PLCL2: variants seen among roughly 807,000 people sequenced by gnomAD.
PLCL2 encodes the protein inactive phospholipase C-like protein 2.
In PLCL2, 4 loss-of-function variants were observed where a neutral mutation model predicts 79.6. That is an observed-to-expected ratio of 0.05 (90% CI 0.02 to 0.11). The LOEUF (loss-of-function observed/expected upper bound fraction) is 0.11. Ranked by LOEUF, PLCL2 falls within the 10% of genes least tolerant of loss-of-function variation. The probability of loss-of-function intolerance (pLI) is 1.00; values close to 1 mark genes in which losing one functional copy is unlikely to be tolerated. For missense variants in PLCL2, 895 were observed against 1,291.0 expected (o/e 0.69, Z 4.70); for synonymous variants, 484 against 457.7 (o/e 1.06, Z -0.73).
chr3:16,955,278 T>C (rs988473044), intron 1 of PLCL2, among the ~76,000 whole-genome samples: 4 of 152,236 alleles, frequency 2.6e-5, no homozygotes, highest in South Asian at 2.1e-4. Context: ...ATTTATTAAA[T>C]AGGGAATCTT....
intron 5 of PLCL2, among the ~76,000 whole-genome samples, chr3:17,078,466 T>A (rs1343636120): frequency 3.3e-5 from 5 of 150,766 alleles, no homozygotes; most frequent in Non-Finnish European, 7.4e-5. Context: ...TTTTTTTTTT[T>A]ATAGCATCTA....
chr3:17,038,825 G>A (rs965081628), intron 3 of PLCL2, among the ~76,000 whole-genome samples: 1 of 152,132 alleles, frequency 6.6e-6, no homozygotes. Flanking sequence ...GATTGAAACG[G>A]CCTTTCCTCT....
At chr3:17,042,596 C>T (rs2064736426) in intron 3 of PLCL2, 2 of 238,754 alleles carry the variant, frequency 8.4e-6, no homozygotes, top group Admixed American at 5.1e-5. Flanking sequence ...CTGAAATGAA[C>T]TCAGTTCAGT....
intron 1 of PLCL2, among the ~76,000 whole-genome samples, chr3:16,927,646 G>A (rs1289360943): frequency 6.6e-6 from 1 of 152,090 alleles, no homozygotes; most frequent in Non-Finnish European, 1.5e-5. Context: ...TTGTTGTGGG[G>A]GCTGTTCTGT....
chr3:17,058,980 A>G (rs2064918262), intron 4 of PLCL2, among the ~76,000 whole-genome samples: 1 of 152,326 alleles, frequency 6.6e-6, no homozygotes. Context: ...AATTGGGTCC[A>G]TATATAGGGA....
intron 1 of PLCL2, among the ~76,000 whole-genome samples, chr3:16,890,383 T>C (rs1696317396): frequency 6.6e-6 from 1 of 152,240 alleles, no homozygotes; most frequent in South Asian, 2.1e-4. Context: ...TTCACTTCCT[T>C]TTATAGTTCT....
chr3:17,057,743 G>C (rs1339776563), intron 4 of PLCL2, among the ~76,000 whole-genome samples: 1 of 152,184 alleles, frequency 6.6e-6, no homozygotes, highest in Admixed American at 6.5e-5. Flanking sequence ...TCTCCTACTA[G>C]AGTGGAAACT....
At chr3:17,044,078 T>C (rs1467298329) in intron 4 of PLCL2, 1 of 152,332 alleles carries the variant, frequency 6.6e-6, no homozygotes, top group Non-Finnish European at 1.5e-5. Flanking sequence ...GAGTCTCAAG[T>C]TGGTGTGTGA....
intron 3 of PLCL2, among the ~76,000 whole-genome samples, chr3:17,024,657 A>G (rs983648486): frequency 7.9e-5 from 12 of 152,192 alleles, no homozygotes; most frequent in African/African-American, 2.4e-4. Context: ...GGTAATTTGT[A>G]TGTCTTTATG....
chr3:17,049,464 T>A (rs530290096), intron 4 of PLCL2, among the ~76,000 whole-genome samples: 1 of 152,248 alleles, frequency 6.6e-6, no homozygotes, highest in African/African-American at 2.4e-5. Context: ...TTAGAACTGA[T>A]AAACAAATGC....
At chr3:16,969,076 A>G (rs1429100198) in intron 1 of PLCL2, among the ~76,000 whole-genome samples, 1 of 152,152 alleles carries the variant, frequency 6.6e-6, no homozygotes, top group Non-Finnish European at 1.5e-5. Flanking sequence ...CCAACCTTGC[A>G]TCTCAGGGAT....
At chr3:16,965,092 G>T (rs1026719321) in intron 1 of PLCL2, among the ~76,000 whole-genome samples, 4 of 151,846 alleles carry the variant, frequency 2.6e-5, no homozygotes, top group African/African-American at 9.7e-5. Context: ...TGAAGTCCTT[G>T]CCCATGCCTA....
At chr3:17,015,033 T>A in intron 3 of PLCL2, 122 bp downstream of exon 3, 1 of 730,866 alleles carries the variant, frequency 1.4e-6, no homozygotes, top group Non-Finnish European at 2.3e-6. Context: ...CATTCACCTA[T>A]GCTGGAGAAG....
chr3:16,888,008 G>C (rs1559476101), intron 1 of PLCL2, among the ~76,000 whole-genome samples: 1 of 152,092 alleles, frequency 6.6e-6, no homozygotes, highest in Non-Finnish European at 1.5e-5. Context: ...ACTGAGGCCG[G>C]TATTTATGGG....
chr3:16,980,700 C>T (rs1432749441), intron 1 of PLCL2, among the ~76,000 whole-genome samples: 1 of 152,156 alleles, frequency 6.6e-6, no homozygotes, highest in Non-Finnish European at 1.5e-5. Context: ...GATGGGCGGC[C>T]AGGCGGAGAC....
intron 4 of PLCL2, among the ~76,000 whole-genome samples, chr3:17,066,426 A>G (rs1039119559): frequency 6.6e-6 from 1 of 152,186 alleles, no homozygotes; most frequent in African/African-American, 2.4e-5. Flanking sequence ...CTTTTGCTTG[A>G]TATTTAAAGA....
rs9819321 is a variant in PLCL2, at chr3:16,971,298, C to T, written c.328-38376C>T. 1.7e-4 allele frequency among the ~76,000 whole-genome samples: 26 copies of T among 151,960 alleles called. 1 individual carries two copies. The highest frequency in any genetic ancestry group is 5.1e-4 in the African/African-American group (21 of 41,394). ...CTACATATGGCTAGCCAGTTTTCCC[C>T]GCACCATTTATTAAATAGGGAATCC... On this transcript the variant is annotated intron_variant, in intron 1 of 5. Coordinates refer to ENST00000615277, the MANE Select transcript of PLCL2 (RefSeq NM_001144382.2).
At chr3:17,033,721 C>T (rs976882770) in intron 3 of PLCL2, among the ~76,000 whole-genome samples, 4 of 152,190 alleles carry the variant, frequency 2.6e-5, no homozygotes, top group East Asian at 1.9e-4. Context: ...CACCACTTCA[C>T]AGTGACTCAC....
intron 1 of PLCL2, among the ~76,000 whole-genome samples, chr3:16,892,977 C>T (rs1208734602): frequency 1.3e-5 from 2 of 152,218 alleles, no homozygotes; most frequent in Non-Finnish European, 2.9e-5. Flanking sequence ...TCTTCTCCTA[C>T]TTGCCCAAGC....
Sources: gnomAD v4.1 joint callset for allele counts (sites outside exome capture counted in the v4.1 genomes callset) on GRCh38, gnomAD v4.1.1 for gene constraint, MANE v1.5 for transcripts, NCBI Gene and HGNC (gene_info 2026-07-23, HGNC 2026-07-21) for gene names.